Variants in CGGBP1 observed in about 807,000 individuals in gnomAD.
The protein encoded by CGGBP1 is CGG triplet repeat-binding protein 1.
CGGBP1 carries 4 observed loss-of-function variants against 11.4 expected under a neutral mutation model. That is an observed-to-expected ratio of 0.35 (90% CI 0.17 to 0.80). CGGBP1 has a LOEUF of 0.80. Ranked by LOEUF, CGGBP1 falls within the 30% of genes least tolerant of loss-of-function variation. The pLI is 0.52. For missense variants in CGGBP1, 135 were observed against 202.1 expected (o/e 0.67, Z 2.01); for synonymous variants, 76 against 74.1 (o/e 1.03, Z -0.13).
At chr3:88,121,283 C>G (rs1705753842) in intron 2 of CGGBP1, among the ~76,000 whole-genome samples, 1 of 152,064 alleles carries the variant, frequency 6.6e-6, no homozygotes, top group East Asian at 1.9e-4. Flanking sequence ...GAATTAAAAA[C>G]TCATTAAAAT....
rs1706454576 is a variant in CGGBP1, at chr3:88,052,668, G to A, written c.*2805C>T. On this transcript the variant is annotated 3_prime_UTR_variant, in exon 4 of 4. Coordinates refer to ENST00000482016, the MANE Select transcript of CGGBP1 (RefSeq NM_001008390.2). ...GATGCAGAACTTTTTAATGTTTTCT[G>A]GTCCCTGAAAATTCAATAGGGCCAA... The A allele has an allele frequency of 6.6e-6, 1 of 152,096 alleles. No homozygotes were observed. Among genetic ancestry groups the A allele is most frequent in the Non-Finnish European group, 1.5e-5 (1 of 67,988 alleles). 9.4% of individuals were successfully genotyped at this position (152,096 alleles called of 1,614,324 possible). A position where few individuals can be genotyped will look rare whatever the true frequency, so the allele number is the denominator to read the frequency against.
intron 2 of CGGBP1, among the ~76,000 whole-genome samples, chr3:88,079,996 T>C (rs890499772): frequency 2.6e-5 from 4 of 152,106 alleles, no homozygotes; most frequent in Non-Finnish European, 4.4e-5. Context: ...TACATGATTA[T>C]ACTGATAGAA....
chr3:88,090,104 T>C (rs1471576587), intron 2 of CGGBP1, among the ~76,000 whole-genome samples: 1 of 152,236 alleles, frequency 6.6e-6, no homozygotes, highest in Non-Finnish European at 1.5e-5. Flanking sequence ...TTGATTTATG[T>C]ACATGCTCTA....
chr3:88,113,326 A>T, intron 2 of CGGBP1: 1 of 512,614 alleles, frequency 2.0e-6, no homozygotes, highest in Admixed American at 3.9e-5. Context: ...AGTGTTTAAG[A>T]TCCTATTATT....
In CGGBP1 at chr3:88,119,318, A is replaced by G. The variant is rs1171732349; in HGVS notation, c.-229+21652T>C. Among the ~76,000 whole-genome samples the G allele has an allele frequency of 1.7e-4, 24 of 142,622 alleles. No homozygotes were observed. The South Asian group carries it at 5.6e-3, about 34-fold the overall frequency. 93.6% of individuals were successfully genotyped at this position (142,622 alleles called of 152,430 possible). A position where few individuals can be genotyped will look rare whatever the true frequency, so the allele number is the denominator to read the frequency against. ...CCAAACACTGCATATTCTCACTCAT[A>G]GGTGGGAATTGAACAATGAGAACAC... is the stretch of plus-strand genomic sequence containing the variant. On this transcript the variant is annotated intron_variant, in intron 2 of 3. Transcript: ENST00000462901.
chr3:88,059,389 C>G (rs1451647020), upstream of CGGBP1: 19 of 1,535,142 alleles, frequency 1.2e-5, no homozygotes, highest in Non-Finnish European at 1.2e-5. Context: ...TGTGGAGTCC[C>G]CGCTGGGCCC....
chr3:88,102,951 C>CT (rs1704518026), intron 2 of CGGBP1, among the ~76,000 whole-genome samples: 2 of 150,166 alleles, frequency 1.3e-5, no homozygotes, highest in Admixed American at 1.3e-4. Flanking sequence ...GGTAAGCATA[C>CT]TAACCACTAG....
At chr3:88,143,628 G>T (rs1164238245) in intron 1 of CGGBP1, 29 of 152,136 alleles carry the variant, frequency 1.9e-4, no homozygotes, top group Admixed American at 1.9e-3. Context: ...TGCCCACAAA[G>T]TATTCCATTT....
At chr3:88,137,194 C>CAA (rs11401199) in intron 2 of CGGBP1, among the ~76,000 whole-genome samples, 6,816 of 69,284 alleles carry the variant, frequency 0.098, 1,125 homozygotes, top group Non-Finnish European at 0.12. Flanking sequence ...GACTCTGTCT[C>CAA]AAAAAAAAAA....
At chr3:88,109,664 G>A (rs769627420) in intron 2 of CGGBP1, among the ~76,000 whole-genome samples, 32 of 152,114 alleles carry the variant, frequency 2.1e-4, no homozygotes, top group Non-Finnish European at 3.5e-4. Flanking sequence ...TTAAATCTGC[G>A]TTATTCAAGG....
upstream of CGGBP1, among the ~76,000 whole-genome samples, chr3:88,062,670 AAT>A (rs1706952423): frequency 6.6e-6 from 1 of 152,216 alleles, no homozygotes; most frequent in Non-Finnish European, 1.5e-5. Context: ...TGCCAGAATG[AAT>A]ATAATGAGTA....
chr3:88,058,586 G>A (rs983139823), intron 1 of CGGBP1, among the ~76,000 whole-genome samples: 2 of 152,222 alleles, frequency 1.3e-5, no homozygotes, highest in African/African-American at 2.4e-5. Context: ...CCAGGTGCCA[G>A]CTGTGGGCCC....
At chr3:88,105,569 A>T (rs1044850309) in intron 2 of CGGBP1, among the ~76,000 whole-genome samples, 26 of 152,142 alleles carry the variant, frequency 1.7e-4, no homozygotes, top group African/African-American at 6.0e-4. Context: ...GGATGAACAC[A>T]TTGTAATGTT....
chr3:88,139,444 A>C (rs765161957), intron 2 of CGGBP1: 1 of 1,613,872 alleles, frequency 6.2e-7, no homozygotes, highest in Non-Finnish European at 8.5e-7. Flanking sequence ...AAGCATTTGA[A>C]GAATCATGTT....
intron 1 of CGGBP1, among the ~76,000 whole-genome samples, chr3:88,149,553 A>C (rs769599900): frequency 1.3e-5 from 2 of 152,282 alleles, no homozygotes; most frequent in Non-Finnish European, 2.9e-5. Flanking sequence ...TTAAGGAACC[A>C]AACTACCGGC....
chr3:88,075,316 C>A (rs1247167084), intron 2 of CGGBP1, among the ~76,000 whole-genome samples: 2 of 152,186 alleles, frequency 1.3e-5, no homozygotes, highest in Non-Finnish European at 2.9e-5. Flanking sequence ...TCTGCTCTTG[C>A]ATCTGTATTT....
In CGGBP1 at chr3:88,125,009, A is replaced by T. The variant is rs1359704107; in HGVS notation, c.-229+15961T>A. Among the ~76,000 whole-genome samples, 18 of 152,036 alleles carry T rather than the reference A, an allele frequency of 1.2e-4. 1 individual carries two copies. On this transcript the variant is annotated intron_variant, in intron 2 of 3. Coordinates refer to the CGGBP1 transcript ENST00000462901. ...GGCAGGCGGATCATGAGGTCAAGAG[A>T]TTGAGACTATCCTGGCTAACACGGT...
At chr3:88,071,341 C>G (rs984630758) in intron 2 of CGGBP1, among the ~76,000 whole-genome samples, 21 of 152,056 alleles carry the variant, frequency 1.4e-4, no homozygotes, top group Middle Eastern at 3.4e-3. Context: ...GAAACCCTGT[C>G]CCTACTAAAG....
chr3:88,122,716 T>G (rs1705842685), intron 2 of CGGBP1, among the ~76,000 whole-genome samples: 1 of 151,898 alleles, frequency 6.6e-6, no homozygotes, highest in South Asian at 2.1e-4. Context: ...TCTAGAAAAA[T>G]ACAATATGTA....
Sources: gnomAD v4.1 joint callset for allele counts (sites outside exome capture counted in the v4.1 genomes callset) on GRCh38, gnomAD v4.1.1 for gene constraint, MANE v1.5 for transcripts, NCBI Gene and HGNC (gene_info 2026-07-23, HGNC 2026-07-21) for gene names.